ITGA8: variants seen among roughly 807,000 people sequenced by gnomAD.
ITGA8 encodes integrin alpha-8.
ITGA8 carries 91 observed loss-of-function variants against 142.3 expected under a neutral mutation model. That is an observed-to-expected ratio of 0.64 (90% CI 0.54 to 0.76). ITGA8 has a LOEUF of 0.76. Ranked by LOEUF, ITGA8 falls within the 30% of genes least tolerant of loss-of-function variation. The pLI, the probability that ITGA8 is intolerant of heterozygous loss-of-function variation, is 0.00. For synonymous variants in ITGA8, 505 were observed against 485.2 expected, an observed-to-expected ratio of 1.04 and a Z score of -0.54; for missense variants, 1,406 against 1,327.7, an observed-to-expected ratio of 1.06 and a Z score of -0.92.
At chr10:15,597,646 AATTT>A (rs1833031828) in intron 20 of ITGA8, among the ~76,000 whole-genome samples, 1 of 152,232 alleles carries the variant, frequency 6.6e-6, no homozygotes, top group African/African-American at 2.4e-5. Context: ...TGAGTAAATA[AATTT>A]ATTCTATTAA....
intron 25 of ITGA8, among the ~76,000 whole-genome samples, chr10:15,561,777 G>A (rs1009437552): frequency 3.3e-5 from 5 of 152,144 alleles, no homozygotes; most frequent in African/African-American, 1.2e-4. Context: ...GTGGAAGGGT[G>A]GGGTGGTGTA....
intron 2 of ITGA8, among the ~76,000 whole-genome samples, chr10:15,718,504 G>A (rs1835494737): frequency 6.6e-6 from 1 of 152,104 alleles, no homozygotes; most frequent in African/African-American, 2.4e-5. Flanking sequence ...ATCTCAGAAA[G>A]GTAAAGAAAC....
intron 2 of ITGA8, among the ~76,000 whole-genome samples, chr10:15,701,714 A>G (rs1469512581): frequency 1.3e-5 from 2 of 152,220 alleles, no homozygotes; most frequent in Admixed American, 1.3e-4. Context: ...AAAACTATTT[A>G]TAAAGCCCCT....
rs112977891 is a variant in ITGA8 at position 15,527,392 on chromosome 10, A to T, written c.2982+3658T>A. Among the ~76,000 whole-genome samples, 32 of 152,176 alleles carry T rather than the reference A, an allele frequency of 2.1e-4. 1 individual carries two copies. Among genetic ancestry groups the T allele is most frequent in the African/African-American group, 6.7e-4 (28 of 41,528 alleles). The stretch of plus-strand genomic sequence containing the variant: ...AACCACCTTTGGAATTACACAAGAC[A>T]CTCCCACTTTCTGCTAGATGTAAAT... On this transcript the variant is annotated intron_variant, in intron 28 of 29. Transcript: ENST00000378076.
chr10:15,662,756 T>G (rs574308773), intron 8 of ITGA8, among the ~76,000 whole-genome samples: 1 of 152,324 alleles, frequency 6.6e-6, no homozygotes, highest in East Asian at 1.9e-4. Flanking sequence ...ATTTGCAGCT[T>G]AGAAAGGTTC....
intron 20 of ITGA8, among the ~76,000 whole-genome samples, chr10:15,597,519 A>C (rs1833029962): frequency 1.3e-5 from 2 of 152,194 alleles, no homozygotes; most frequent in South Asian, 4.1e-4. Context: ...AAGCATATTT[A>C]TTGTGTTTCA....
intron 27 of ITGA8, among the ~76,000 whole-genome samples, chr10:15,536,083 G>T (rs923473604): frequency 1.3e-5 from 2 of 151,840 alleles, no homozygotes; most frequent in Non-Finnish European, 2.9e-5. Context: ...ACATCAGAAG[G>T]AACAAACTCT....
intron 13 of ITGA8, among the ~76,000 whole-genome samples, chr10:15,639,576 C>T (rs997902574): frequency 3.9e-5 from 6 of 152,192 alleles, no homozygotes; most frequent in African/African-American, 7.2e-5. Flanking sequence ...CAGTAAGGGC[C>T]GCACCTTAAG....
chr10:15,528,354 TTC>T (rs1377006296), intron 28 of ITGA8, among the ~76,000 whole-genome samples: 1 of 152,142 alleles, frequency 6.6e-6, no homozygotes, highest in Non-Finnish European at 1.5e-5. Flanking sequence ...AAGGCAGCAT[TTC>T]CCTGTGTGCT....
chr10:15,645,559 T>C (rs541611883), intron 12 of ITGA8, among the ~76,000 whole-genome samples: 1 of 152,338 alleles, frequency 6.6e-6, no homozygotes, highest in East Asian at 1.9e-4. Flanking sequence ...TACTTTGTTT[T>C]ATGATACTTT....
At chr10:15,577,010 A>G (rs958420651) in intron 23 of ITGA8, among the ~76,000 whole-genome samples, 3 of 152,142 alleles carry the variant, frequency 2.0e-5, no homozygotes, top group African/African-American at 7.2e-5. Flanking sequence ...GTCATCAGAG[A>G]GAAGCCCAGA....
intron 22 of ITGA8, among the ~76,000 whole-genome samples, 190 bp downstream of exon 22, chr10:15,592,035 T>C (rs529258279): frequency 6.6e-6 from 1 of 152,286 alleles, no homozygotes; most frequent in South Asian, 2.1e-4. Context: ...TCAATCTCTT[T>C]TTCAAAACCC....
chr10:15,638,370 T>G lies in ITGA8; in HGVS notation c.1399+5660A>C, dbSNP rs374082853. 2.4e-4 allele frequency among the ~76,000 whole-genome samples: 36 copies of G among 152,300 alleles called. No individual in the cohort carries two copies. In the South Asian group the frequency reaches 6.6e-3, roughly 28 times the overall value. On this transcript the variant is annotated intron_variant, in intron 13 of 29. Transcript: ENST00000378076. ...GCAGCCAGGTTGTGTTAAGAATACG[T>G]AAGAGTGTTTGCTACTATCTATGAT...
At chr10:15,646,768 A>T in intron 12 of ITGA8, 78 bp downstream of exon 12, 1 of 1,047,320 alleles carries the variant, frequency 9.5e-7, no homozygotes, top group Non-Finnish European at 1.5e-6. Context: ...ACCATACTGA[A>T]TACTTTAAAA....
chr10:15,645,906 A>G (rs986482211), intron 12 of ITGA8, among the ~76,000 whole-genome samples: 1 of 152,344 alleles, frequency 6.6e-6, no homozygotes, highest in African/African-American at 2.4e-5. Context: ...AGCCTAACCT[A>G]CGAGTTTAAC....
chr10:15,701,459 A>C (rs763455966), intron 2 of ITGA8, among the ~76,000 whole-genome samples: 5 of 152,102 alleles, frequency 3.3e-5, no homozygotes, highest in Admixed American at 6.5e-5. Context: ...CTTTGAAGCT[A>C]TCTCTCTGAA....
At chr10:15,563,017 G>A (rs1564353260) in intron 25 of ITGA8, among the ~76,000 whole-genome samples, 1 of 152,176 alleles carries the variant, frequency 6.6e-6, no homozygotes, top group Admixed American at 6.5e-5. Flanking sequence ...GAGTTCATAT[G>A]AGATCTAGTT....
At chr10:15,605,307 A>G (rs1182072747) in intron 19 of ITGA8, among the ~76,000 whole-genome samples, 1 of 152,144 alleles carries the variant, frequency 6.6e-6, no homozygotes, top group Non-Finnish European at 1.5e-5. Flanking sequence ...ATAAGTTAAA[A>G]TTAATTTTGT....
chr10:15,613,529 T>C, intron 15 of ITGA8, 131 bp downstream of exon 15: 1 of 712,452 alleles, frequency 1.4e-6, no homozygotes, highest in Admixed American at 2.2e-5. Context: ...CAGCATCTCT[T>C]GAAGCTTTTT....
Sources: allele counts gnomAD v4.1 joint callset (sites outside exome capture counted in the v4.1 genomes callset), GRCh38; gene constraint gnomAD v4.1.1; transcripts MANE v1.5; gene names NCBI Gene and HGNC (gene_info 2026-07-23, HGNC 2026-07-21).